QRICH1: variants seen among roughly 807,000 people sequenced by gnomAD.
QRICH1 encodes the protein transcriptional regulator QRICH1.
A neutral mutation model predicts 87.1 loss-of-function variants in QRICH1; 16 were observed. The ratio of observed to expected loss-of-function variants is 0.18; its 90% CI spans 0.12 to 0.28. QRICH1 has a LOEUF of 0.28. QRICH1 is among the 10% of genes least tolerant of loss of function. QRICH1 has a pLI of 1.00. For synonymous variants in QRICH1, 367 were observed against 368.4 expected (o/e 1.00, Z 0.05); for missense variants, 647 against 951.7 (o/e 0.68, Z 4.21).
Position 49,057,187 on chromosome 3 carries a change from T to C in QRICH1, c.1013A>G (p.Asn338Ser). The C allele has an allele frequency of 6.2e-7, 1 of 1,614,180 alleles. No individual in the cohort carries two copies. The highest frequency in any genetic ancestry group is 8.5e-7 in the Non-Finnish European group (1 of 1,180,040). Residue 338 changes from asparagine (N) to serine (S), a missense_variant, in exon 3 of 10, where the codon AAC becomes AGC. Physicochemically the swap from Asn to Ser is conservative, Grantham distance 46. Transcript: ENST00000395443. This position sits in a 1 kb window ranked among gnomAD's most constrained non-coding sequence, Gnocchi z 5.4. ...THIAIPQEAY[N>S]AVHVSGSPTA... ...GGGTGAGCCACTGACGTGAACTGCG[T>C]TGTAGGCTTCCTGGGGAATGGCAAT... is the stretch of plus-strand genomic sequence containing the variant.
intron 1 of QRICH1, among the ~76,000 whole-genome samples, chr3:49,078,577 A>C (rs1347216393): frequency 1.4e-5 from 2 of 142,328 alleles, no homozygotes; most frequent in South Asian, 4.5e-4. Flanking sequence ...TTGTATTTTT[A>C]GTAGAGACGA....
chr3:49,031,131 C>A (rs2093235621), intron 9 of QRICH1, among the ~76,000 whole-genome samples: 2 of 151,850 alleles, frequency 1.3e-5, no homozygotes, highest in Admixed American at 1.3e-4. Context: ...GAACCATAGG[C>A]ACGAGCCACC....
rs188739592 is a variant in QRICH1, at chr3:49,030,342, G to A, written c.*110C>T. On this transcript the variant is annotated 3_prime_UTR_variant, in exon 10 of 10. Coordinates refer to ENST00000395443, the MANE Select transcript of QRICH1 (RefSeq NM_198880.3). Reference sequence around the variant, plus strand: ...AAACAGAAGCAGCCTGAAAGGCTTCGTAACTACACCAATAAAAAAAAGAAA... The same window carrying A: ...AAACAGAAGCAGCCTGAAAGGCTTCATAACTACACCAATAAAAAAAAGAAA... 5.5e-4 allele frequency: 577 copies of A among 1,057,966 alleles called. 1 individual carries two copies. The East Asian group carries it at 0.011, about 21-fold the overall frequency. The allele number at this position is 1,057,966 out of a possible 1,614,324, so 65.5% of individuals were successfully genotyped here.
intron 2 of QRICH1, among the ~76,000 whole-genome samples, chr3:49,061,171 A>C (rs966544877): frequency 1.1e-4 from 15 of 138,180 alleles, no homozygotes; most frequent in Non-Finnish European, 2.0e-4. Context: ...AAAAAAATCT[A>C]ACACCTAATG....
chr3:49,042,046 T>C lies in QRICH1; in HGVS notation c.1786+2344A>G, dbSNP rs964705703. ...CCTTGGTCTCCCAAAGTGCTGGGAT[T>C]ACAGGCGTGAGCCACCGCGCCCAGA... On this transcript the variant is annotated intron_variant, in intron 6 of 9. Transcript: ENST00000395443. Among the ~76,000 whole-genome samples, 7 of 149,584 alleles carry C rather than the reference T, an allele frequency of 4.7e-5. No homozygotes were observed. The Admixed American group carries it at 4.7e-4, about 10-fold the overall frequency.
At chr3:49,071,889 G>C (rs755285378) in intron 2 of QRICH1, among the ~76,000 whole-genome samples, 2 of 151,968 alleles carry the variant, frequency 1.3e-5, no homozygotes, top group Non-Finnish European at 2.9e-5. Flanking sequence ...ACAGGATTTC[G>C]CCATGTTGCC....
intron 5 of QRICH1, 59 bp downstream of exon 5, chr3:49,046,366 T>C: frequency 6.6e-7 from 1 of 1,511,726 alleles, no homozygotes; most frequent in Non-Finnish European, 8.9e-7. Context: ...TTAACTAAAC[T>C]AGCAAACATC....
intron 8 of QRICH1, 154 bp downstream of exon 8, chr3:49,032,468 G>GA: frequency 2.8e-6 from 3 of 1,058,058 alleles, no homozygotes. Context: ...CTTCTAGGAG[G>GA]AAAGTTTGGA....
At chr3:49,092,034 T>C (rs1293917386) in intron 1 of QRICH1, among the ~76,000 whole-genome samples, 2 of 150,856 alleles carry the variant, frequency 1.3e-5, no homozygotes, top group African/African-American at 4.9e-5. Context: ...ATCACACCCC[T>C]GCACTCCAGC....
chr3:49,071,190 G>A (rs530558145), intron 2 of QRICH1, among the ~76,000 whole-genome samples: 4 of 151,518 alleles, frequency 2.6e-5, no homozygotes, highest in South Asian at 2.1e-4. Flanking sequence ...TCAGCCTCCC[G>A]AGTAGCTGGG....
intron 2 of QRICH1, among the ~76,000 whole-genome samples, chr3:49,061,216 C>T (rs886808009): frequency 4.0e-5 from 6 of 150,980 alleles, no homozygotes; most frequent in Non-Finnish European, 8.8e-5. Context: ...CAAAGCACCA[C>T]CCCCATCAAT....
At chr3:49,054,453 A>G (rs2093389146) in intron 3 of QRICH1, among the ~76,000 whole-genome samples, 1 of 152,098 alleles carries the variant, frequency 6.6e-6, no homozygotes. Flanking sequence ...ACTCAGTTCT[A>G]CTTTGGGAAG....
intron 6 of QRICH1, among the ~76,000 whole-genome samples, chr3:49,042,223 G>A (rs1319788949): frequency 2.6e-5 from 4 of 151,726 alleles, no homozygotes; most frequent in Non-Finnish European, 5.9e-5. Context: ...TCAGCCTCCC[G>A]AGTAGCTGGG....
chr3:49,091,501 T>C (rs1394712123), intron 1 of QRICH1, among the ~76,000 whole-genome samples: 1 of 152,212 alleles, frequency 6.6e-6, no homozygotes, highest in Non-Finnish European at 1.5e-5. Flanking sequence ...CTTTGGTTAC[T>C]TTCCTAGAGC....
At chr3:49,042,697 C>T (rs979318148) in intron 6 of QRICH1, among the ~76,000 whole-genome samples, 2 of 151,940 alleles carry the variant, frequency 1.3e-5, no homozygotes, top group South Asian at 2.1e-4. Flanking sequence ...CTCAGCCTCC[C>T]GTGTAGCTGG....
intron 2 of QRICH1, among the ~76,000 whole-genome samples, chr3:49,063,622 T>G (rs1020808933): frequency 1.3e-5 from 2 of 152,072 alleles, no homozygotes; most frequent in African/African-American, 4.8e-5. Context: ...CACCCCTATC[T>G]CTACAAAAAA....
At chr3:49,065,680 C>G (rs985395500) in intron 2 of QRICH1, among the ~76,000 whole-genome samples, 18 of 151,404 alleles carry the variant, frequency 1.2e-4, no homozygotes, top group Non-Finnish European at 1.8e-4. Flanking sequence ...CCAGGAGTCT[C>G]TCTCTTTTTT....
intron 3 of QRICH1, among the ~76,000 whole-genome samples, chr3:49,049,976 G>T (rs558022483): frequency 6.6e-6 from 1 of 151,372 alleles, no homozygotes; most frequent in Admixed American, 6.6e-5. Context: ...GAGGCAGGCA[G>T]ATCACTTCAG....
chr3:49,056,824 G>C, intron 3 of QRICH1, 38 bp downstream of exon 3: 1 of 1,613,936 alleles, frequency 6.2e-7, no homozygotes, highest in East Asian at 2.2e-5. Context: ...GGCCCTGAGG[G>C]ACCAGGCTGC....
Sources: allele counts gnomAD v4.1 joint callset (sites outside exome capture counted in the v4.1 genomes callset), GRCh38; gene constraint gnomAD v4.1.1; non-coding constraint Gnocchi (gnomAD v3.1); transcripts MANE v1.5; gene names NCBI Gene and HGNC (gene_info 2026-07-23, HGNC 2026-07-21).